The following ABCC1 variants were observed in gnomAD, a reference collection of about 807,000 sequenced individuals.
ABCC1 encodes the protein ATP binding cassette subfamily C member 1 (ABCC1 blood group).
Under a neutral mutation model 172.9 loss-of-function variants are expected in ABCC1, and 83 were observed. The observed-to-expected ratio is 0.48, with a 90% CI of 0.40 to 0.58. The LOEUF (loss-of-function observed/expected upper bound fraction) is 0.58, where lower values mean the gene tolerates loss of function less well. Among genes scored for constraint, ABCC1 ranks in the 20% least tolerant of loss-of-function variants. The pLI is 0.00. For missense variants in ABCC1, 1,817 were observed against 2,002.7 expected, an observed-to-expected ratio of 0.91 and a Z score of 1.77; for synonymous variants, 937 against 825.2, an observed-to-expected ratio of 1.14 and a Z score of -2.32.
chr16:15,987,643 C>A (rs184735322), intron 1 of ABCC1, among the ~76,000 whole-genome samples: 13 of 152,352 alleles, frequency 8.5e-5, no homozygotes, highest in African/African-American at 2.6e-4. Context: ...AACTTGCCCC[C>A]ACTTGAGAAC....
At chr16:15,971,574 C>T (rs1054746434) in intron 1 of ABCC1, among the ~76,000 whole-genome samples, 5 of 152,184 alleles carry the variant, frequency 3.3e-5, no homozygotes, top group Non-Finnish European at 5.9e-5. Context: ...GCCACATTAA[C>T]TGCTGTTAGG....
intron 1 of ABCC1, among the ~76,000 whole-genome samples, chr16:15,959,721 T>G (rs1276652706): frequency 6.6e-6 from 1 of 152,204 alleles, no homozygotes; most frequent in Non-Finnish European, 1.5e-5. Context: ...GAGATTCCAC[T>G]TAAGTGTCCC....
intron 1 of ABCC1, 81 bp downstream of exon 1, chr16:15,949,880 G>A: frequency 9.0e-7 from 1 of 1,117,160 alleles, no homozygotes; most frequent in Non-Finnish European, 1.1e-6. Flanking sequence ...GCAGCCGCCC[G>A]GGGCACCCCG....
intron 22 of ABCC1, 104 bp from the exon 23 acceptor site, chr16:16,114,662 A>T: frequency 1.0e-6 from 1 of 1,001,196 alleles, no homozygotes; most frequent in Non-Finnish European, 1.4e-6. Flanking sequence ...TTATTATTAG[A>T]AGTTGGGAGT....
intron 26 of ABCC1, 127 bp from the exon 27 acceptor site, chr16:16,131,662 C>G: frequency 9.9e-7 from 1 of 1,012,610 alleles, no homozygotes; most frequent in Non-Finnish European, 1.4e-6. Flanking sequence ...GGAAGGGCAA[C>G]CCCCCAGTGC....
chr16:15,951,660 A>G (rs2045876187), intron 1 of ABCC1, among the ~76,000 whole-genome samples: 1 of 152,020 alleles, frequency 6.6e-6, no homozygotes, highest in Admixed American at 6.6e-5. Context: ...GCTAGAAAGT[A>G]GGTAGTTGTT....
At chr16:15,967,807 A>G (rs1385891882) in intron 1 of ABCC1, among the ~76,000 whole-genome samples, 2 of 151,802 alleles carry the variant, frequency 1.3e-5, no homozygotes, top group Admixed American at 6.6e-5. Flanking sequence ...TACCTAAATC[A>G]TAGCATTTGT....
chr16:16,089,384 C>T (rs1331734344), intron 18 of ABCC1, among the ~76,000 whole-genome samples: 4 of 151,716 alleles, frequency 2.6e-5, no homozygotes, highest in Non-Finnish European at 5.9e-5. Flanking sequence ...CCTGTCTTGA[C>T]AAAAAATACA....
In ABCC1 at chr16:16,071,693, G is replaced by A. The variant is rs1209738361; in HGVS notation, c.1876G>A (p.Glu626Lys). The stretch of plus-strand genomic sequence containing the variant: ...GATCTTTCTCTCCCATGAGGAGCTG[G>A]AACCTGACAGCATCGAGCGACGGCC... ...LRIFLSHEEL[E>K]PDSIERRPVK... The change falls in exon 14 of 31, where the codon GAA becomes AAA. Residue 626 changes from glutamate to lysine, a missense_variant. By Grantham distance (56) the Glu-to-Lys change is moderately conservative. Around this residue, in one of 3 missense-constraint regions of ABCC1, gnomAD observed 1,412 missense variants for 1,600.3 expected, o/e 0.88. Coordinates refer to ENST00000399410, the MANE Select transcript of ABCC1 (RefSeq NM_004996.4). 2.5e-6 allele frequency: 4 copies of A among 1,613,892 alleles called. No individual in the cohort carries two copies. The East Asian group carries it at 8.9e-5, about 36-fold the overall frequency.
intron 1 of ABCC1, among the ~76,000 whole-genome samples, chr16:15,974,699 G>A (rs943154471): frequency 5.9e-5 from 9 of 152,154 alleles, no homozygotes; most frequent in Non-Finnish European, 1.2e-4. Flanking sequence ...TGGGCTAATC[G>A]AGAGACACAG....
intron 1 of ABCC1, among the ~76,000 whole-genome samples, chr16:15,998,070 C>T (rs2047120299): frequency 6.6e-6 from 1 of 151,842 alleles, no homozygotes; most frequent in Non-Finnish European, 1.5e-5. Context: ...GATCTGCCCT[C>T]CTCAGCCTCC....
chr16:16,100,493 GGACA>G (rs1474094322), intron 19 of ABCC1, among the ~76,000 whole-genome samples: 2 of 152,180 alleles, frequency 1.3e-5, no homozygotes, highest in African/African-American at 4.8e-5. Flanking sequence ...ATGTGTGTGA[GGACA>G]GGCTGCATGG....
At position 16,115,599 on chromosome 16, in the gene ABCC1, G is replaced by A. The variant is rs377489381; in HGVS notation, c.3390+523G>A. Among the ~76,000 whole-genome samples, 13 of 152,090 alleles carry A rather than the reference G, an allele frequency of 8.5e-5. No homozygotes were observed. The South Asian group carries it at 1.2e-3, about 15-fold the overall frequency. On this transcript the variant is annotated intron_variant, in intron 23 of 30. Transcript: ENST00000399410. ...TGAGCTCAGGTGATCCACCCACCTCGACCTCCCCAAGTGTTGGGATTACAG... is the reference window on the plus strand; with the variant it reads ...TGAGCTCAGGTGATCCACCCACCTCAACCTCCCCAAGTGTTGGGATTACAG...
intron 19 of ABCC1, among the ~76,000 whole-genome samples, chr16:16,098,692 C>G (rs561200228): frequency 1.6e-4 from 24 of 152,318 alleles, no homozygotes; most frequent in African/African-American, 5.3e-4. Context: ...GTGCTTGTCC[C>G]GGATCCACCC....
intron 27 of ABCC1, 152 bp downstream of exon 27, chr16:16,132,087 C>T (rs2045699933): frequency 3.0e-6 from 3 of 984,094 alleles, no homozygotes; most frequent in East Asian, 2.6e-5. Context: ...TGGACTGTGG[C>T]AGTAAAAGCT....
intron 1 of ABCC1, among the ~76,000 whole-genome samples, chr16:15,986,176 C>T (rs2046739907): frequency 6.6e-6 from 1 of 152,036 alleles, no homozygotes; most frequent in South Asian, 2.1e-4. Context: ...CCCGGGTGAT[C>T]TACCTGCCTC....
intron 1 of ABCC1, among the ~76,000 whole-genome samples, chr16:15,960,878 T>G (rs2046111287): frequency 6.6e-6 from 1 of 151,998 alleles, no homozygotes; most frequent in Admixed American, 6.6e-5. Flanking sequence ...ACTAACACAA[T>G]GGCTTGTGGT....
At chr16:16,044,294 C>T (rs899120869) in intron 7 of ABCC1, among the ~76,000 whole-genome samples, 156 bp from the exon 8 acceptor site, 27 of 151,960 alleles carry the variant, frequency 1.8e-4, no homozygotes, top group Middle Eastern at 3.4e-3. Flanking sequence ...CTCTGGAGCC[C>T]GTGTTTGTAA....
Position 16,009,641 on chromosome 16 carries a change from G to T in ABCC1, c.226-135G>T. 15 of 899,050 alleles carry T rather than the reference G, an allele frequency of 1.7e-5. No individual in the cohort carries two copies. In the South Asian group the frequency reaches 3.8e-4, roughly 23 times the overall value. 55.7% of individuals were successfully genotyped at this position (899,050 alleles called of 1,614,324 possible). The stretch of plus-strand genomic sequence containing the variant: ...CTTGTCCTTATTCCAGTGGATATGT[G>T]CCATGTCCTAGGACTGTGGCTGATC... On this transcript the variant is annotated intron_variant, in intron 2 of 30. Coordinates refer to ENST00000399410, the MANE Select transcript of ABCC1 (RefSeq NM_004996.4).
Sources: allele counts gnomAD v4.1 joint callset (sites outside exome capture counted in the v4.1 genomes callset), GRCh38; gene constraint gnomAD v4.1.1; regional missense constraint gnomAD v4.1.1; transcripts MANE v1.5; gene names NCBI Gene and HGNC (gene_info 2026-07-23, HGNC 2026-07-21).